The following NCR1 variants were observed in gnomAD, a reference collection of about 807,000 sequenced individuals.
NCR1 encodes natural cytotoxicity triggering receptor 1.
Under a neutral mutation model 32.5 loss-of-function variants are expected in NCR1, and 30 were observed. That is an observed-to-expected ratio of 0.92 (90% CI 0.69 to 1.25). The LOEUF is 1.25. Among genes scored for constraint, NCR1 ranks in the 50% most tolerant of loss-of-function variants. The pLI is 0.00. For synonymous variants in NCR1, 169 were observed against 143.4 expected (o/e 1.18, Z -1.28); for missense variants, 369 against 380.7 (o/e 0.97, Z 0.26).
At chr19:54,924,597 C>A in the NCR1 span, among the ~76,000 whole-genome samples, 6 of 151,970 alleles carry the variant, frequency 3.9e-5, no homozygotes, top group Non-Finnish European at 7.4e-5. Flanking sequence ...TGCACTCCAG[C>A]CTGGTAACAG....
At chr19:54,902,728 T>C (rs943963057), upstream of NCR1, among the ~76,000 whole-genome samples, 11 of 152,246 alleles carry the variant, frequency 7.2e-5, no homozygotes, top group South Asian at 4.1e-4. Context: ...GTCTCCTCCA[T>C]AGAGGGCATC....
the NCR1 span, among the ~76,000 whole-genome samples, chr19:54,900,329 T>G: frequency 6.6e-6 from 1 of 152,008 alleles, no homozygotes; most frequent in Non-Finnish European, 1.5e-5. Flanking sequence ...AGGATTTGGG[T>G]AGGTAAAGGA....
At chr19:54,930,844 T>C in the NCR1 span, among the ~76,000 whole-genome samples, 7 of 152,078 alleles carry the variant, frequency 4.6e-5, no homozygotes, top group East Asian at 1.4e-3. Flanking sequence ...GCCTCCCAAG[T>C]AGCTGGGATT....
chr19:54,917,309 C>T (rs1389941622), downstream of NCR1, among the ~76,000 whole-genome samples: 4 of 134,698 alleles, frequency 3.0e-5, no homozygotes, highest in African/African-American at 5.8e-5. Flanking sequence ...ACTGTGACTC[C>T]TCAAAAAAAA....
At position 54,913,037 on chromosome 19, in the gene NCR1, G is replaced by T; in HGVS notation, c.*166G>T. The T allele has an allele frequency of 1.8e-6, 1 of 557,534 alleles. No homozygotes were observed. Among genetic ancestry groups the T allele is most frequent in the Non-Finnish European group, 3.0e-6 (1 of 331,548 alleles). The allele number at this position is 557,534 out of a possible 1,614,324, so 34.5% of individuals were successfully genotyped here. On this transcript the variant is annotated 3_prime_UTR_variant, in exon 7 of 7. Transcript: ENST00000291890. ...ATCCCGGACGATGCAGAGGGTGGGA[G>T]AACTACATGCTAAATTTCTTTTTTT...
Position 54,909,441 on chromosome 19 carries a change from C to T in NCR1, c.552C>T (p.His184=), listed in dbSNP as rs1418069638. The change falls in exon 4 of 7, where the codon CAC becomes CAT. Residue 184 remains histidine, a synonymous_variant. Coordinates refer to ENST00000291890, the MANE Select transcript of NCR1 (RefSeq NM_004829.7). Reference sequence around the variant, plus strand: ...CCCTGGGCCCTGTGACCACAGCCCACAGAGGGACATACCGATGTTTTGGCT... The same window carrying T: ...CCCTGGGCCCTGTGACCACAGCCCATAGAGGGACATACCGATGTTTTGGCT... ...EFPLGPVTTA[H]RGTYRCFGSY... 1 of 1,613,280 alleles carries T rather than the reference C, an allele frequency of 6.2e-7. No individual in the cohort carries two copies. The highest frequency in any genetic ancestry group is 1.3e-5 in the African/African-American group (1 of 74,918).
chr19:54,905,283 A>G (rs587605009), upstream of NCR1, among the ~76,000 whole-genome samples: 64 of 152,186 alleles, frequency 4.2e-4, no homozygotes, highest in African/African-American at 1.5e-3. Flanking sequence ...GGCCATTCTG[A>G]CTGGTGTGAG....
intron 5 of NCR1, 109 bp downstream of exon 5, chr19:54,910,174 C>T (rs587626455): frequency 1.0e-5 from 11 of 1,081,824 alleles, no homozygotes; most frequent in East Asian, 9.8e-5. Context: ...TGGTGGCTCA[C>T]GCCTGTAATC....
the NCR1 span, among the ~76,000 whole-genome samples, chr19:54,929,104 C>A: frequency 6.6e-6 from 1 of 152,156 alleles, no homozygotes; most frequent in Non-Finnish European, 1.5e-5. Flanking sequence ...AATGGTGGCT[C>A]ATGCCTGTAA....
At chr19:54,932,809 C>T in the NCR1 span, among the ~76,000 whole-genome samples, 3 of 152,204 alleles carry the variant, frequency 2.0e-5, no homozygotes, top group East Asian at 3.9e-4. Context: ...GCACGCACCA[C>T]CAAGCCTGGT....
At chr19:54,919,794 A>T (rs2068211965), downstream of NCR1, among the ~76,000 whole-genome samples, 1 of 143,360 alleles carries the variant, frequency 7.0e-6, no homozygotes, top group South Asian at 2.3e-4. Flanking sequence ...CTACCGCTGG[A>T]CCATGATCCG....
chr19:54,912,599 CAAAAAAAAAAAAAAAAAAAAAAA>C lies in NCR1; in HGVS notation c.734-74_734-52del, dbSNP rs60025694. On this transcript the variant is annotated intron_variant, in intron 6 of 6. Transcript: ENST00000291890. ...GGGCGACAAGACTGAGGCTCTGTCTCAAAAAAAAAAAAAAAAAAAAAAAAAAAAAAAAAAAAAAAGAGGGTGTC... is the reference window on the plus strand; with the variant it reads ...GGGCGACAAGACTGAGGCTCTGTCTCAAAAAAAAAAAAAAAAGAGGGTGTC... The C allele has an allele frequency of 4.4e-3, 1,643 of 374,362 alleles. 14 individuals carry two copies. The highest frequency in any genetic ancestry group is 5.3e-3 in the Middle Eastern group (7 of 1,322). 23.2% of individuals were successfully genotyped at this position (374,362 alleles called of 1,614,324 possible). A position where few individuals can be genotyped will look rare whatever the true frequency, so the allele number is the denominator to read the frequency against.
chr19:54,910,183 TC>T, intron 5 of NCR1, 118 bp downstream of exon 5: 1 of 995,136 alleles, frequency 1.0e-6, no homozygotes, highest in Non-Finnish European at 1.5e-6. Flanking sequence ...ACGCCTGTAA[TC>T]CCAGCACTTT....
chr19:54,912,368 G>A (rs747921515), intron 6 of NCR1, 150 bp downstream of exon 6: 79 of 768,608 alleles, frequency 1.0e-4, no homozygotes, highest in Non-Finnish European at 1.3e-4. Flanking sequence ...AGGCCGAGGC[G>A]GGCAGATCAT....
chr19:54,934,796 G>C, the NCR1 span: 1 of 678,338 alleles, frequency 1.5e-6, no homozygotes, highest in South Asian at 2.0e-5. The surrounding 1 kb of genome is among the most constrained non-coding windows in gnomAD (Gnocchi z 6.7). Context: ...TGCAGCCTCC[G>C]CCTCCCGGGT....
At chr19:54,936,149 A>ACATT in the NCR1 span, 9 of 916,778 alleles carry the variant, frequency 9.8e-6, no homozygotes, top group Non-Finnish European at 1.6e-5. Context: ...TTTGAGGAAT[A>ACATT]CATTCCCTGT....
At chr19:54,921,772 C>CA in the NCR1 span, among the ~76,000 whole-genome samples, 499 of 93,706 alleles carry the variant, frequency 5.3e-3, 4 homozygotes, top group Non-Finnish European at 7.2e-3. Context: ...GACTCCATCT[C>CA]AAAAAAAAAA....
At chr19:54,909,958 AATGGC>A in intron 4 of NCR1, 55 bp from the exon 5 acceptor site, 1 of 1,292,006 alleles carries the variant, frequency 7.7e-7, no homozygotes, top group Non-Finnish European at 1.1e-6. Context: ...AAAAAAAAAG[AATGGC>A]AAGACCGGAG....
At chr19:54,917,448 G>A (rs937807489), downstream of NCR1, among the ~76,000 whole-genome samples, 1 of 152,010 alleles carries the variant, frequency 6.6e-6, no homozygotes, top group African/African-American at 2.4e-5. Context: ...GCCCCCCAAG[G>A]AGCTGGGACT....
Sources: allele counts gnomAD v4.1 joint callset (sites outside exome capture counted in the v4.1 genomes callset), GRCh38; gene constraint gnomAD v4.1.1; non-coding constraint Gnocchi (gnomAD v3.1); transcripts MANE v1.5; gene names NCBI Gene and HGNC (gene_info 2026-07-23, HGNC 2026-07-21).